Variants in TBC1D22A observed in about 807,000 individuals in gnomAD.
The protein encoded by TBC1D22A is putative GTPase activator.
A neutral mutation model predicts 60.2 loss-of-function variants in TBC1D22A; 38 were observed. The ratio of observed to expected loss-of-function variants is 0.63; its 90% CI spans 0.49 to 0.83. The LOEUF (loss-of-function observed/expected upper bound fraction) is 0.83, where lower values mean the gene tolerates loss of function less well. Ranked by LOEUF, TBC1D22A falls within the 40% of genes least tolerant of loss-of-function variation. TBC1D22A has a pLI of 0.00. For missense variants in TBC1D22A, 628 were observed against 701.0 expected (o/e 0.90, Z 1.18); for synonymous variants, 302 against 281.7 (o/e 1.07, Z -0.72).
At chr22:46,789,402 G>T (rs190623228) in intron 1 of TBC1D22A, 612 of 459,246 alleles carry the variant, frequency 1.3e-3, no homozygotes, top group Middle Eastern at 0.012. Flanking sequence ...CTGGGTTTCT[G>T]TGCTCCTGTG....
intron 7 of TBC1D22A, among the ~76,000 whole-genome samples, chr22:46,902,366 G>A (rs1049510488): frequency 1.3e-5 from 2 of 152,192 alleles, no homozygotes; most frequent in Non-Finnish European, 2.9e-5. Flanking sequence ...TTTAAAGTTT[G>A]TACTACTTTT....
intron 11 of TBC1D22A, among the ~76,000 whole-genome samples, chr22:47,081,747 C>G (rs1041478172): frequency 6.6e-6 from 1 of 152,162 alleles, no homozygotes; most frequent in Non-Finnish European, 1.5e-5. Context: ...AAATTTAAAA[C>G]TACTCAAGAT....
At position 46,839,331 on chromosome 22, in the gene TBC1D22A, G is replaced by A. The variant is rs1431038066; in HGVS notation, c.638-39322G>A. 5.4e-5 allele frequency among the ~76,000 whole-genome samples: 8 copies of A among 149,158 alleles called. No individual in the cohort carries two copies. The South Asian group carries it at 1.1e-3, about 20-fold the overall frequency. On this transcript the variant is annotated intron_variant, in intron 4 of 12. Coordinates refer to ENST00000337137, the MANE Select transcript of TBC1D22A (RefSeq NM_014346.5). The stretch of plus-strand genomic sequence containing the variant: ...CTTCTTTTTTTTTTTTTTTTGAGAC[G>A]GAGTCTCGCTCTGTCACCCAGGCTG...
At position 47,161,170 on chromosome 22, in the gene TBC1D22A, T is replaced by G. The variant is rs572627724; in HGVS notation, c.1426-12328T>G. Among the ~76,000 whole-genome samples, 4 of 152,298 alleles carry G rather than the reference T, an allele frequency of 2.6e-5. No individual in the cohort carries two copies. In the South Asian group the frequency reaches 8.3e-4, roughly 32 times the overall value. ...CCTCTAGAAAGAGACGGTGCCTGGA[T>G]TGTCTTTTAGAAATTGAAATCATGT... On this transcript the variant is annotated intron_variant, in intron 12 of 12. Coordinates refer to ENST00000337137, the MANE Select transcript of TBC1D22A (RefSeq NM_014346.5).
intron 5 of TBC1D22A, among the ~76,000 whole-genome samples, chr22:46,889,312 G>A (rs1219862510): frequency 6.6e-6 from 1 of 152,170 alleles, no homozygotes; most frequent in African/African-American, 2.4e-5. Context: ...AATCATTATG[G>A]AAACGAAATT....
In TBC1D22A at chr22:46,767,797, G is replaced by T. The variant is rs186245778; in HGVS notation, c.62+4949G>T. On this transcript the variant is annotated intron_variant, in intron 1 of 12. Transcript: ENST00000337137. The stretch of plus-strand genomic sequence containing the variant: ...CCTGGCAGAGGAGTGAGCAGGTGCA[G>T]AGGACTCCCAGAGCGATGCTGGCGT... 3.4e-3 allele frequency among the ~76,000 whole-genome samples: 510 copies of T among 152,234 alleles called. 9 individuals carry two copies. Among genetic ancestry groups the T allele is most frequent in the Admixed American group, 0.03 (460 of 15,302 alleles).
chr22:47,039,191 T>C (rs2062755375), intron 11 of TBC1D22A, among the ~76,000 whole-genome samples: 1 of 152,210 alleles, frequency 6.6e-6, no homozygotes, highest in African/African-American at 2.4e-5. Context: ...GGCATCTTTA[T>C]TGAGTTAATT....
rs186450999 is a variant in TBC1D22A at position 47,065,378 on chromosome 22, A to G, written c.1329+28180A>G. Among the ~76,000 whole-genome samples, 532 of 152,326 alleles carry G rather than the reference A, an allele frequency of 3.5e-3. 1 individual carries two copies. Among genetic ancestry groups the G allele is most frequent in the Non-Finnish European group, 5.2e-3 (355 of 68,034 alleles). On this transcript the variant is annotated intron_variant, in intron 11 of 12. Transcript: ENST00000337137. ...TTTTGGTTCCTCACTAACATTAGTG[A>G]AAAGCGAAGTTCCGAGAGTTCAGTC...
chr22:47,111,405 C>T (rs1365409415), intron 11 of TBC1D22A, 103 bp from the exon 12 acceptor site: 16 of 1,049,334 alleles, frequency 1.5e-5, no homozygotes, highest in East Asian at 2.4e-5. Context: ...TTGGTTTCCT[C>T]TGAACCCTGA....
intron 8 of TBC1D22A, among the ~76,000 whole-genome samples, chr22:46,958,750 C>T (rs1351140382): frequency 2.0e-5 from 3 of 152,182 alleles, no homozygotes; most frequent in South Asian, 4.1e-4. Context: ...AGTTGCTGTT[C>T]GACCTTTGCC....
At position 46,888,116 on chromosome 22, in the gene TBC1D22A, T is replaced by G. The variant is rs1231753075; in HGVS notation, c.709-3150T>G. On this transcript the variant is annotated intron_variant, in intron 5 of 12. Transcript: ENST00000337137. ...CAACTCCACACTGTGCGCGTTCACT[T>G]TCATTCACAGCAGCAGCCAAGAAAA... Among the ~76,000 whole-genome samples, 2 of 152,212 alleles carry G rather than the reference T, an allele frequency of 1.3e-5. 1 individual carries two copies. Among genetic ancestry groups the G allele is most frequent in the Non-Finnish European group, 2.9e-5 (2 of 68,034 alleles).
chr22:46,906,077 G>A lies in TBC1D22A; in HGVS notation c.901-5997G>A, dbSNP rs546326233. Reference sequence around the variant, plus strand: ...GGGGCGCCTGGGACCTGCGACCTGCGTTTGGCTTAGTCCAGGGTGGAGCCA... The same window carrying A: ...GGGGCGCCTGGGACCTGCGACCTGCATTTGGCTTAGTCCAGGGTGGAGCCA... On this transcript the variant is annotated intron_variant, in intron 7 of 12. Transcript: ENST00000337137. Among the ~76,000 whole-genome samples, 3 of 152,212 alleles carry A rather than the reference G, an allele frequency of 2.0e-5. No individual in the cohort carries two copies. The South Asian group carries it at 6.2e-4, about 32-fold the overall frequency.
At chr22:46,860,374 C>T (rs6008999) in intron 4 of TBC1D22A, among the ~76,000 whole-genome samples, 8 of 7,780 alleles carry the variant, frequency 1.0e-3, no homozygotes, top group Admixed American at 2.8e-3. Context: ...CGCGCAGTGC[C>T]GTGCCCCTTC....
At chr22:46,905,719 T>C (rs2069414786) in intron 7 of TBC1D22A, among the ~76,000 whole-genome samples, 1 of 152,210 alleles carries the variant, frequency 6.6e-6, no homozygotes. Context: ...AGGGATGTCC[T>C]GAACCTAGGG....
intron 10 of TBC1D22A, among the ~76,000 whole-genome samples, chr22:47,031,553 G>C (rs937225807): frequency 6.6e-6 from 1 of 152,252 alleles, no homozygotes; most frequent in Non-Finnish European, 1.5e-5. Flanking sequence ...CCCTGAGGAG[G>C]GTGGGTGGCT....
intron 11 of TBC1D22A, among the ~76,000 whole-genome samples, chr22:47,072,138 C>T (rs1187894687): frequency 6.6e-6 from 1 of 152,202 alleles, no homozygotes; most frequent in Non-Finnish European, 1.5e-5. Context: ...GAGGCATGGC[C>T]AGGACGCTGG....
In TBC1D22A at chr22:47,086,931, A is replaced by G. The variant is rs369952213; in HGVS notation, c.1330-24577A>G. 3.3e-5 allele frequency among the ~76,000 whole-genome samples: 5 copies of G among 152,374 alleles called. No homozygotes were observed. The East Asian group carries it at 7.7e-4, about 23-fold the overall frequency. ...TCATCGTAGCACTGTTTGCAGTAGC[A>G]AAAGATAGATATCCATCAATGTGAA... On this transcript the variant is annotated intron_variant, in intron 11 of 12. Coordinates refer to ENST00000337137, the MANE Select transcript of TBC1D22A (RefSeq NM_014346.5).
At chr22:46,849,822 G>A (rs896909635) in intron 4 of TBC1D22A, among the ~76,000 whole-genome samples, 6 of 152,152 alleles carry the variant, frequency 3.9e-5, no homozygotes, top group East Asian at 1.9e-4. Context: ...TCTCTCATTC[G>A]GTTATGATTG....
At chr22:46,861,133 T>C (rs1347567850) in intron 4 of TBC1D22A, among the ~76,000 whole-genome samples, 1 of 152,138 alleles carries the variant, frequency 6.6e-6, no homozygotes, top group Non-Finnish European at 1.5e-5. Flanking sequence ...AATTTTTTAT[T>C]TTTTTGTAGA....
Sources: gnomAD v4.1 joint callset for allele counts (sites outside exome capture counted in the v4.1 genomes callset) on GRCh38, gnomAD v4.1.1 for gene constraint, MANE v1.5 for transcripts, NCBI Gene and HGNC (gene_info 2026-07-23, HGNC 2026-07-21) for gene names.